The following FCGRT variants were observed in gnomAD, a reference collection of about 807,000 sequenced individuals.
FCGRT encodes IgG receptor FcRn large subunit p51.
FCGRT carries 13 observed loss-of-function variants against 35.7 expected under a neutral mutation model. That is an observed-to-expected ratio of 0.36 (90% CI 0.24 to 0.58). The LOEUF (loss-of-function observed/expected upper bound fraction) is 0.58. FCGRT is among the 20% of genes least tolerant of loss of function. FCGRT has a pLI of 0.77. For missense variants in FCGRT, 455 were observed against 474.9 expected (o/e 0.96, Z 0.39); for synonymous variants, 233 against 216.5 (o/e 1.08, Z -0.67).
At position 49,514,493 on chromosome 19, in the gene FCGRT, C is replaced by G; in HGVS notation, c.601+7C>G. 1 of 1,536,416 alleles carries G rather than the reference C, an allele frequency of 6.5e-7. No individual in the cohort carries two copies. Among genetic ancestry groups the G allele is most frequent in the Non-Finnish European group, 8.8e-7 (1 of 1,139,368 alleles). ...GGAAACCTGGAGTGGAAGGGTGAGC[C>G]GGATCTGCAGCCGCAGGCTGTTCTG... On this transcript the variant is annotated splice_region_variant and intron_variant, in intron 4 of 6. Transcript: ENST00000221466.
chr19:49,513,333 G>A, intron 1 of FCGRT, 54 bp from the exon 2 acceptor site: 1 of 935,562 alleles, frequency 1.1e-6, no homozygotes, highest in Non-Finnish European at 1.4e-6. Context: ...GGTGTCCCGG[G>A]AGGAAGGGGC....
At chr19:49,516,586 T>C (rs115159481) in intron 4 of FCGRT, among the ~76,000 whole-genome samples, 9,853 of 145,312 alleles carry the variant, frequency 0.068, 402 homozygotes, top group South Asian at 0.16. Context: ...AGACAGACTC[T>C]TGCACTGTCG....
At chr19:49,522,770 CTTTTTTTTTTTTTT>C (rs746958247) in intron 4 of FCGRT, among the ~76,000 whole-genome samples, 2 of 66,626 alleles carry the variant, frequency 3.0e-5, no homozygotes, top group African/African-American at 6.5e-5. Flanking sequence ...CTTAAGCTCT[CTTTTTTTTTTTTTT>C]TTTTTTTTTT....
Position 49,525,458 on chromosome 19 carries a change from A to G in FCGRT, c.873A>G (p.Glu291=). The change falls in exon 6 of 7, where the codon GAA becomes GAG. Residue 291 remains glutamate, a splice_region_variant and synonymous_variant. Coordinates refer to ENST00000221466, the MANE Select transcript of FCGRT (RefSeq NM_001136019.3). ...TCTCACAGCGTTCTCTGGCTGCAGA[A>G]TCTCCAGCCAAGTCCTCCGTGCTCG... is the stretch of plus-strand genomic sequence containing the variant. ...GLAQPLRVEL[E]SPAKSSVLVV... 3.1e-6 allele frequency: 5 copies of G among 1,609,530 alleles called. No individual in the cohort carries two copies. Among genetic ancestry groups the G allele is most frequent in the Non-Finnish European group, 4.3e-6 (5 of 1,176,098 alleles).
At chr19:49,522,507 A>G (rs560327099) in intron 4 of FCGRT, among the ~76,000 whole-genome samples, 27 of 149,552 alleles carry the variant, frequency 1.8e-4, no homozygotes, top group African/African-American at 6.1e-4. Context: ...TCTTGGCTCA[A>G]TGCAACCTCC....
chr19:49,517,492 A>G (rs2080014679), intron 4 of FCGRT, among the ~76,000 whole-genome samples: 1 of 151,992 alleles, frequency 6.6e-6, no homozygotes, highest in African/African-American at 2.4e-5. Context: ...CTCTGTCTCA[A>G]AGAAAGAAGG....
intron 4 of FCGRT, among the ~76,000 whole-genome samples, chr19:49,518,588 C>G (rs1465215271): frequency 2.6e-5 from 4 of 152,174 alleles, no homozygotes; most frequent in African/African-American, 7.2e-5. Flanking sequence ...GACTGGAGTG[C>G]AGAGGCACGA....
At chr19:49,517,989 C>T (rs1047205532) in intron 4 of FCGRT, among the ~76,000 whole-genome samples, 1 of 152,102 alleles carries the variant, frequency 6.6e-6, no homozygotes, top group Non-Finnish European at 1.5e-5. Context: ...CCGCGCCTGG[C>T]CAATTTTTGT....
intron 2 of FCGRT, 160 bp downstream of exon 2, chr19:49,513,633 G>T: frequency 2.2e-6 from 1 of 460,592 alleles, no homozygotes; most frequent in Non-Finnish European, 3.6e-6. Context: ...TGGGCCTGAG[G>T]CTGGGAACCA....
intron 4 of FCGRT, 120 bp downstream of exon 4, chr19:49,514,606 A>C: frequency 2.1e-6 from 2 of 956,854 alleles, no homozygotes; most frequent in Non-Finnish European, 3.0e-6. Context: ...CTGCCCCCCC[A>C]TTCCTCAGGG....
Position 49,514,126 on chromosome 19 carries a change from G to A in FCGRT, c.318G>A (p.Gly106=). The A allele has an allele frequency of 1.2e-6, 2 of 1,612,956 alleles. No individual in the cohort carries two copies. Among genetic ancestry groups the A allele is most frequent in the Middle Eastern group, 1.7e-4 (1 of 6,060 alleles). The part of the protein sequence containing the change: ...KLFLEAFKAL[G]GKGPYTLQGL... ...TTCTGGAAGCTTTCAAAGCTTTGGG[G>A]GGAAAAGGTGAGATTCCGGTCTGGA... Residue 106 remains glycine (G), a synonymous_variant, in exon 3 of 7, where the codon GGG becomes GGA. Transcript: ENST00000221466.
Position 49,525,473 on chromosome 19 carries a change from C to T in FCGRT, c.888C>T (p.Ser296=). ...LRVELESPAK[S]SVLVVGIVIG... is the part of the protein sequence containing the mutation. Reference sequence around the variant, plus strand: ...TGGCTGCAGAATCTCCAGCCAAGTCCTCCGTGCTCGTGGTGGGAATCGTCA... The same window carrying T: ...TGGCTGCAGAATCTCCAGCCAAGTCTTCCGTGCTCGTGGTGGGAATCGTCA... The change falls in exon 6 of 7, where the codon TCC becomes TCT. Residue 296 remains serine, a synonymous_variant. Transcript: ENST00000221466. The T allele has an allele frequency of 1.9e-6, 3 of 1,613,702 alleles. No homozygotes were observed. Among genetic ancestry groups the T allele is most frequent in the South Asian group, 2.2e-5 (2 of 91,056 alleles).
chr19:49,513,673 C>G (rs753499027), intron 2 of FCGRT, 200 bp downstream of exon 2: 1 of 496,972 alleles, frequency 2.0e-6, no homozygotes, highest in African/African-American at 2.0e-5. Flanking sequence ...GTTTCCCTCT[C>G]TCTCTCTGGG....
intron 4 of FCGRT, chr19:49,521,587 AAAAG>A (rs2080041420): frequency 6.7e-6 from 1 of 149,826 alleles, no homozygotes; most frequent in African/African-American, 2.4e-5. Flanking sequence ...AAAAAAAAGG[AAAAG>A]AAAGCCTGGG....
chr19:49,519,138 G>A (rs532634622), intron 4 of FCGRT, among the ~76,000 whole-genome samples: 2 of 152,142 alleles, frequency 1.3e-5, no homozygotes, highest in African/African-American at 2.4e-5. Flanking sequence ...CACCGCGCCC[G>A]GCCGGATTCC....
chr19:49,514,420 C>A lies in FCGRT; in HGVS notation c.535C>A (p.Leu179Ile). 6.3e-7 allele frequency: 1 copy of A among 1,598,380 alleles called. No homozygotes were observed. Among genetic ancestry groups the A allele is most frequent in the Non-Finnish European group, 8.6e-7 (1 of 1,169,354 alleles). Reference protein sequence around the residue: ...KAANKELTFLLFSCPHRLREH... With the variant: ...KAANKELTFLIFSCPHRLREH... ...GGCCAACAAGGAGCTCACCTTCCTGCTATTCTCCTGCCCGCACCGCCTGCG... is the reference window on the plus strand; with the variant it reads ...GGCCAACAAGGAGCTCACCTTCCTGATATTCTCCTGCCCGCACCGCCTGCG... The change falls in exon 4 of 7, where the codon CTA becomes ATA. Residue 179 changes from leucine (L) to isoleucine (I), a missense_variant. By Grantham distance (5) the Leu-to-Ile change is conservative. Transcript: ENST00000221466.
intron 6 of FCGRT, 136 bp from the exon 7 acceptor site, chr19:49,525,874 G>A (rs1407579428): frequency 1.3e-6 from 1 of 756,486 alleles, no homozygotes; most frequent in Non-Finnish European, 2.4e-6. Context: ...TTGGGAGAAG[G>A]GGAGACAAAG....
intron 4 of FCGRT, chr19:49,516,247 T>G (rs1343719620): frequency 2.4e-6 from 1 of 424,792 alleles, no homozygotes; most frequent in Admixed American, 2.9e-5. Flanking sequence ...AGGGAAAATT[T>G]CTTTCTTTTT....
rs189082503 is a variant in FCGRT, at chr19:49,522,518, G to A, written c.602-1989G>A. Among the ~76,000 whole-genome samples, 989 of 151,816 alleles carry A rather than the reference G, an allele frequency of 6.5e-3. 14 individuals carry two copies. Among genetic ancestry groups the A allele is most frequent in the African/African-American group, 0.023 (947 of 41,386 alleles). On this transcript the variant is annotated intron_variant, in intron 4 of 6. Coordinates refer to ENST00000221466, the MANE Select transcript of FCGRT (RefSeq NM_001136019.3). Reference sequence around the variant, plus strand: ...GCAATCTTGGCTCAATGCAACCTCCGCCTTCTGGGTTCAAGCGATTCTCCT... The same window carrying A: ...GCAATCTTGGCTCAATGCAACCTCCACCTTCTGGGTTCAAGCGATTCTCCT...
Sources: gnomAD v4.1 joint callset for allele counts (sites outside exome capture counted in the v4.1 genomes callset) on GRCh38, gnomAD v4.1.1 for gene constraint, MANE v1.5 for transcripts, NCBI Gene and HGNC (gene_info 2026-07-23, HGNC 2026-07-21) for gene names.